Variants in KAZN observed in about 807,000 individuals in gnomAD.
KAZN encodes the protein kazrin.
In KAZN, 40 loss-of-function variants were observed where a neutral mutation model predicts 87.4. The observed-to-expected ratio is 0.46, with a 90% CI of 0.36 to 0.60. The LOEUF is 0.60. KAZN is among the 20% of genes least tolerant of loss of function. The pLI, the probability that KAZN is intolerant of heterozygous loss-of-function variation, is 0.00. For missense variants in KAZN, 898 were observed against 1,073.9 expected (o/e 0.84, Z 2.29); for synonymous variants, 466 against 458.3 (o/e 1.02, Z -0.22).
intron 1 of KAZN, among the ~76,000 whole-genome samples, chr1:14,071,463 G>A (rs1480709255): frequency 6.6e-6 from 1 of 152,166 alleles, no homozygotes; most frequent in Non-Finnish European, 1.5e-5. Flanking sequence ...GAAACAAACT[G>A]AGCTCTTTCC....
At chr1:14,595,928 C>G (rs1481124552), upstream of KAZN, among the ~76,000 whole-genome samples, 2 of 152,048 alleles carry the variant, frequency 1.3e-5, no homozygotes, top group African/African-American at 2.4e-5. Flanking sequence ...GTTTCTAAAG[C>G]AGCTTCTTGA....
At chr1:14,937,073 G>A (rs1660542471) in intron 1 of KAZN, among the ~76,000 whole-genome samples, 1 of 152,156 alleles carries the variant, frequency 6.6e-6, no homozygotes, top group Non-Finnish European at 1.5e-5. Context: ...CTTGCTCATT[G>A]CAGCCCCTCT....
chr1:14,413,013 A>G (rs930504220), intron 2 of KAZN, among the ~76,000 whole-genome samples: 21 of 148,598 alleles, frequency 1.4e-4, no homozygotes, highest in Non-Finnish European at 2.5e-4. Flanking sequence ...TATATATAAT[A>G]AGTTATTTGT....
rs1180256094 is a variant in KAZN, at chr1:14,632,731, C to A, written c.226+33508C>A. 2.0e-5 allele frequency among the ~76,000 whole-genome samples: 3 copies of A among 152,198 alleles called. No individual in the cohort carries two copies. In the East Asian group the frequency reaches 5.8e-4, roughly 29 times the overall value. ...CCGCAAGTGTAAACCTGGCAGAAAT[C>A]CGCTTGTTTGATTTCATCCCGCAGG... On this transcript the variant is annotated intron_variant, in intron 1 of 14. Transcript: ENST00000376030.
intron 2 of KAZN, among the ~76,000 whole-genome samples, chr1:14,348,677 G>A (rs536749446): frequency 6.6e-6 from 1 of 152,294 alleles, no homozygotes; most frequent in South Asian, 2.1e-4. Context: ...TTTCCAAATT[G>A]GGAAACTGAA....
intron 2 of KAZN, among the ~76,000 whole-genome samples, chr1:14,249,020 C>G (rs867823515): frequency 3.3e-5 from 5 of 152,304 alleles, no homozygotes; most frequent in Middle Eastern, 3.4e-3. Flanking sequence ...TGATTTTGCT[C>G]AGGCACCAGA....
chr1:14,775,771 T>A (rs549363591), intron 1 of KAZN, among the ~76,000 whole-genome samples: 25 of 152,340 alleles, frequency 1.6e-4, no homozygotes, highest in African/African-American at 6.0e-4. Context: ...ATTGTGTTCA[T>A]AAGATACATG....
chr1:14,526,172 C>T (rs1344291093), intron 2 of KAZN, among the ~76,000 whole-genome samples: 1 of 152,226 alleles, frequency 6.6e-6, no homozygotes. Flanking sequence ...TCCTCATTGT[C>T]ATTTAGCAAG....
intron 1 of KAZN, among the ~76,000 whole-genome samples, chr1:13,928,599 A>G (rs569209041): frequency 6.6e-5 from 10 of 152,320 alleles, no homozygotes; most frequent in Admixed American, 4.6e-4. Flanking sequence ...TGTTGCCTGT[A>G]CAATGTGTGA....
intron 2 of KAZN, among the ~76,000 whole-genome samples, chr1:14,568,857 G>A (rs1674692770): frequency 6.6e-6 from 1 of 152,182 alleles, no homozygotes; most frequent in Non-Finnish European, 1.5e-5. Flanking sequence ...GATCCGATGT[G>A]TCTCCCCCAC....
rs572794676 is a variant in KAZN, at chr1:14,276,858, A to G, written c.249+96266A>G. ...ATTAATAATTTTCTAATGTTGAACC[A>G]ATCTTGCATTCCTTTGTCATGCTGA... is the stretch of plus-strand genomic sequence containing the variant. On this transcript the variant is annotated intron_variant, in intron 2 of 16. Transcript: ENST00000636203. Among the ~76,000 whole-genome samples the G allele has an allele frequency of 4.6e-5, 7 of 152,308 alleles. No individual in the cohort carries two copies. In the South Asian group the frequency reaches 1.5e-3, roughly 32 times the overall value.
At chr1:14,894,596 C>G (rs911561752) in intron 1 of KAZN, among the ~76,000 whole-genome samples, 2 of 152,236 alleles carry the variant, frequency 1.3e-5, no homozygotes. Flanking sequence ...GGAGCCTTCC[C>G]GGCCTCTCAG....
intron 2 of KAZN, among the ~76,000 whole-genome samples, chr1:15,026,277 G>C (rs958284472): frequency 6.6e-6 from 1 of 152,198 alleles, no homozygotes; most frequent in Admixed American, 6.5e-5. Flanking sequence ...GCTGTATGCA[G>C]CTGAGCTCTG....
At chr1:14,004,395 A>T (rs1639946253) in intron 1 of KAZN, among the ~76,000 whole-genome samples, 1 of 152,246 alleles carries the variant, frequency 6.6e-6, no homozygotes, top group Non-Finnish European at 1.5e-5. Flanking sequence ...ATACATGTGC[A>T]TAAATACCAG....
chr1:14,744,465 A>G (rs1484532487), intron 1 of KAZN, among the ~76,000 whole-genome samples: 1 of 152,084 alleles, frequency 6.6e-6, no homozygotes, highest in Non-Finnish European at 1.5e-5. Flanking sequence ...GTGATGGCTC[A>G]CGCCTGTAAT....
intron 1 of KAZN, among the ~76,000 whole-genome samples, chr1:14,641,252 G>T (rs1357724954): frequency 6.6e-6 from 1 of 152,124 alleles, no homozygotes; most frequent in Non-Finnish European, 1.5e-5. Flanking sequence ...AAATAAGGAG[G>T]TAGACTGGCC....
At chr1:14,557,636 GTGTGT>G (rs1557799091) in intron 2 of KAZN, among the ~76,000 whole-genome samples, 12 of 46,994 alleles carry the variant, frequency 2.6e-4, no homozygotes, top group Non-Finnish European at 3.9e-4. Flanking sequence ...GTGGGTGTGT[GTGTGT>G]GTGTGTGTGT....
intron 2 of KAZN, among the ~76,000 whole-genome samples, chr1:14,292,607 A>G (rs958468947): frequency 2.0e-5 from 3 of 152,222 alleles, no homozygotes; most frequent in African/African-American, 7.2e-5. Flanking sequence ...AGCTGCCCCC[A>G]TGGCCGGCTC....
At chr1:13,981,126 G>GT (rs1638684398) in intron 1 of KAZN, among the ~76,000 whole-genome samples, 7 of 24,118 alleles carry the variant, frequency 2.9e-4, no homozygotes, top group Non-Finnish European at 5.1e-4. Context: ...TATAAACACA[G>GT]ATTATATATA....
Sources: allele counts gnomAD v4.1 joint callset (sites outside exome capture counted in the v4.1 genomes callset), GRCh38; gene constraint gnomAD v4.1.1; transcripts MANE v1.5; gene names NCBI Gene and HGNC (gene_info 2026-07-23, HGNC 2026-07-21).